PRAMEF2: variants seen among roughly 807,000 people sequenced by gnomAD.
The protein encoded by PRAMEF2 is PRAME family member 2.
Under a neutral mutation model 38.0 loss-of-function variants are expected in PRAMEF2, and 35 were observed. The ratio of observed to expected loss-of-function variants is 0.92; its 90% confidence interval spans 0.70 to 1.22. The LOEUF (loss-of-function observed/expected upper bound fraction) is 1.22. Ranked by LOEUF, PRAMEF2 falls within the 50% of genes most tolerant of loss-of-function variation. The pLI is 0.00. For missense variants in PRAMEF2, 562 were observed against 553.9 expected (o/e 1.01, Z -0.15); for synonymous variants, 240 against 232.4 (o/e 1.03, Z -0.30).
At position 12,861,434 on chromosome 1, in the gene PRAMEF2, G is replaced by T. The variant is rs1640549967; in HGVS notation, c.1080G>T (p.Gln360His). 6.2e-7 allele frequency: 1 copy of T among 1,602,858 alleles called. No homozygotes were observed. The highest frequency in any genetic ancestry group is 1.3e-5 in the African/African-American group (1 of 74,118). Residue 360 changes from glutamine to histidine, a missense_variant, in exon 4 of 4, where the codon CAG becomes CAT. Transcript: ENST00000240189. ...SLETLVLEGC[Q>H]IHYSQLSAIL... ...AGACCCTCGTGTTAGAGGGCTGTCAGATCCACTACTCCCAACTCAGTGCCA... is the reference window on the plus strand; with the variant it reads ...AGACCCTCGTGTTAGAGGGCTGTCATATCCACTACTCCCAACTCAGTGCCA...
At chr1:12,857,210 G>A (rs1023096088) in intron 1 of PRAMEF2, 63 bp downstream of exon 1, 1 of 148,014 alleles carries the variant, frequency 6.8e-6, no homozygotes, top group Non-Finnish European at 1.5e-5. Flanking sequence ...CAGGGACGGT[G>A]ACACACATCC....
chr1:12,857,638 T>C lies in PRAMEF2; in HGVS notation c.-26+491T>C, dbSNP rs1640470178. 1.4e-5 allele frequency among the ~76,000 whole-genome samples: 2 copies of C among 141,910 alleles called. 1 individual carries two copies. The highest frequency in any genetic ancestry group is 5.5e-5 in the African/African-American group (2 of 36,354). 93.1% of individuals were successfully genotyped at this position (141,910 alleles called of 152,430 possible). A position where few individuals can be genotyped will look rare whatever the true frequency, so the allele number is the denominator to read the frequency against. The stretch of plus-strand genomic sequence containing the variant: ...TGTGAGTATGTGGAAGTGATGTCTA[T>C]AGGAACCTTCATCTTAGAGTTACAG... On this transcript the variant is annotated intron_variant, in intron 1 of 3. Transcript: ENST00000240189.
chr1:12,860,113 A>G lies in PRAMEF2; in HGVS notation c.708A>G (p.Lys236=), dbSNP rs749698187. The stretch of plus-strand genomic sequence containing the variant: ...TGAAGGAGATGAAGACTCTTTGCAA[A>G]CTCGTTTTCTCCAGGTGCCATCATT... ...CYLKEMKTLC[K]LVFSRCHHYT... is the part of the protein sequence containing the mutation. The change falls in exon 3 of 4, where the codon AAA becomes AAG. Residue 236 remains lysine (K), a synonymous_variant. Transcript: ENST00000240189. 1 of 1,606,288 alleles carries G rather than the reference A, an allele frequency of 6.2e-7. No individual in the cohort carries two copies. The highest frequency in any genetic ancestry group is 1.3e-5 in the African/African-American group (1 of 74,170).
In PRAMEF2 at chr1:12,859,850, G is replaced by A. The variant is rs1210053705; in HGVS notation, c.445G>A (p.Val149Met). Reference sequence around the variant, plus strand: ...GACGGGAGAGCACCAGCCCTTAAAGGTGTTCATAGACATCTGCCTCAAGGA... The same window carrying A: ...GACGGGAGAGCACCAGCCCTTAAAGATGTTCATAGACATCTGCCTCAAGGA... The part of the protein sequence containing the change: ...PRTGEHQPLK[V>M]FIDICLKEIP... The change falls in exon 3 of 4, where the codon GTG (valine) becomes ATG (methionine). Residue 149 changes from valine to methionine, a missense_variant. Val to Met is a conservative substitution (Grantham distance 21, BLOSUM62 1). Coordinates refer to ENST00000240189, the MANE Select transcript of PRAMEF2 (RefSeq NM_023014.1). The A allele has an allele frequency of 4.4e-6, 7 of 1,606,912 alleles. 1 individual carries two copies. In the Middle Eastern group the frequency reaches 6.0e-4, roughly 138 times the overall value.
In PRAMEF2 at chr1:12,860,152, T is replaced by C. The variant is rs148434103; in HGVS notation, c.747T>C (p.Asn249=). The change falls in exon 3 of 4, where the codon AAT becomes AAC. Residue 249 remains asparagine (N), a synonymous_variant. Transcript: ENST00000240189. Reference sequence around the variant, plus strand: ...GGTGCCATCATTACACGTCAGATAATGAACTCGAGGGATGGTTAGTCACCA... The same window carrying C: ...GGTGCCATCATTACACGTCAGATAACGAACTCGAGGGATGGTTAGTCACCA... ...FSRCHHYTSD[N]ELEGWLVTRF... 7.5e-5 allele frequency: 120 copies of C among 1,606,906 alleles called. 5 individuals carry two copies. The African/African-American group carries it at 1.3e-3, about 17-fold the overall frequency.
At chr1:12,860,720 C>A (rs114025872) in intron 3 of PRAMEF2, among the ~76,000 whole-genome samples, 1,747 of 150,240 alleles carry the variant, frequency 0.012, 93 homozygotes, top group African/African-American at 0.04. Context: ...TCCCTGTCTG[C>A]AAAACGTTGT....
Position 12,860,052 on chromosome 1 carries a change from G to T in PRAMEF2, c.647G>T (p.Cys216Phe), listed in dbSNP as rs3204802. 1.2e-6 allele frequency: 2 copies of T among 1,606,582 alleles called. No individual in the cohort carries two copies. The highest frequency in any genetic ancestry group is 8.5e-7 in the Non-Finnish European group (1 of 1,176,416). The change falls in exon 3 of 4, where the codon TGC (cysteine) becomes TTC (phenylalanine). Residue 216 changes from cysteine (C) to phenylalanine (F), a missense_variant. Around this residue, in one of 2 missense-constraint regions of PRAMEF2, gnomAD observed 486 missense variants for 444.2 expected, o/e 1.09. Transcript: ENST00000240189. ...SIGELEIHNT[C>F]WPHLIRKLYC... ...GGGGAGCTGGAAATTCACAACACGT[G>T]CTGGCCACATCTGATAAGAAAGCTT...
chr1:12,859,513 G>A (rs1640504954), intron 2 of PRAMEF2, among the ~76,000 whole-genome samples, 180 bp from the exon 3 acceptor site: 1 of 151,166 alleles, frequency 6.6e-6, no homozygotes, highest in African/African-American at 2.4e-5. Context: ...TTACTCAGTG[G>A]AAGGTAAAGG....
At position 12,861,695 on chromosome 1, in the gene PRAMEF2, CA is replaced by C. The variant is rs1557630054; in HGVS notation, c.1343del (p.Lys448ArgfsTer48). 6.4e-7 allele frequency: 1 copy of C among 1,570,580 alleles called. No homozygotes were observed. The highest frequency in any genetic ancestry group is 1.4e-5 in the African/African-American group (1 of 71,034). ...GTACACTGAGGGAATTCAGGCAGCC[CA>C]AGAGGATCTTCATTGGCCCCACCCC... The part of the protein sequence containing the change: ...MCTLREFRQP[K>X]RIFIGPTPCP... On this transcript the variant is annotated frameshift_variant, in exon 4 of 4. Transcript: ENST00000240189. LOFTEE classifies it high-confidence loss of function.
chr1:12,859,017 T>C lies in PRAMEF2; in HGVS notation c.8T>C (p.Ile3Thr), dbSNP rs1389819618. The change falls in exon 2 of 4, where the codon ATC becomes ACC. Residue 3 changes from isoleucine to threonine, a missense_variant. By Grantham distance (89) the Ile-to-Thr change is moderately conservative. Transcript: ENST00000240189. ...TCTTGCAGATCCATCAGGATGAGCA[T>C]CCAGGCCCCACCGAGACTACTGGAG... MSIQAPPRLLELA... is the reference protein window; with the variant it reads MSTQAPPRLLELA... 4.4e-6 allele frequency: 7 copies of C among 1,603,222 alleles called. 1 individual carries two copies. The highest frequency in any genetic ancestry group is 6.0e-6 in the Non-Finnish European group (7 of 1,176,170).
Position 12,861,508 on chromosome 1 carries a change from G to T in PRAMEF2, c.1154G>T (p.Gly385Val). The T allele has an allele frequency of 6.2e-7, 1 of 1,605,556 alleles. No homozygotes were observed. Among genetic ancestry groups the T allele is most frequent in the Non-Finnish European group, 8.5e-7 (1 of 1,176,992 alleles). ...TCCCAGCTCACCACCTTCTACTTTG[G>T]CAGCAATTGCATGTCTATTGACGCC... ...CCSQLTTFYF[G>V]SNCMSIDALK... The change falls in exon 4 of 4, where the codon GGC becomes GTC. Residue 385 changes from glycine to valine, a missense_variant. Gly to Val is a moderately radical substitution (Grantham distance 109). Transcript: ENST00000240189.
rs12139550 is a variant in PRAMEF2 at position 12,861,277 on chromosome 1, A to G, written c.923A>G (p.Glu308Gly). 0.11 allele frequency: 181,643 copies of G among 1,604,634 alleles called. 14,662 individuals carry two copies. Among genetic ancestry groups the G allele is most frequent in the African/African-American group, 0.14 (10,079 of 74,328 alleles). ...LELTCGNLLE[E>G]DLKCLSQFPS... ...TTAACTTGTGGCAACCTATTAGAAG[A>G]GGACTTGAAGTGTCTCTCCCAGTTC... The change falls in exon 4 of 4, where the codon GAG becomes GGG. Residue 308 changes from glutamate (E) to glycine (G), a missense_variant. Transcript: ENST00000240189.
Position 12,861,355 on chromosome 1 carries a change from G to A in PRAMEF2, c.1001G>A (p.Arg334His), listed in dbSNP as rs141943881. The A allele has an allele frequency of 1.2e-3, 1,866 of 1,606,646 alleles. 97 individuals are homozygous for A. Among genetic ancestry groups the A allele is most frequent in the Non-Finnish European group, 1.5e-3 (1,716 of 1,176,564 alleles). ...HLNLSYVLLF[R>H]ISLEPLGALL... ...AATCTCAGCTACGTGCTGCTGTTCC[G>A]CATCAGTCTTGAACCCCTAGGAGCT... Residue 334 changes from arginine to histidine, a missense_variant, in exon 4 of 4, where the codon CGC (arginine) becomes CAC (histidine). Physicochemically the swap from Arg to His is conservative, Grantham distance 29. Transcript: ENST00000240189.
At chr1:12,858,164 G>A (rs1401543360) in intron 1 of PRAMEF2, among the ~76,000 whole-genome samples, 1 of 149,830 alleles carries the variant, frequency 6.7e-6, no homozygotes, top group East Asian at 1.9e-4. Context: ...TCTGCCTCTG[G>A]GCTTCAAGTG....
chr1:12,859,398 G>C, intron 2 of PRAMEF2, 102 bp downstream of exon 2: 2 of 1,582,024 alleles, frequency 1.3e-6, no homozygotes, highest in Non-Finnish European at 1.7e-6. Context: ...AGAGTCTTCT[G>C]ATGGTGTTGG....
chr1:12,859,250 T>C lies in PRAMEF2; in HGVS notation c.241T>C (p.Leu81=), dbSNP rs150846314. 2.0e-5 allele frequency: 32 copies of C among 1,610,294 alleles called. No homozygotes were observed. In the African/African-American group the frequency reaches 3.9e-4, roughly 20 times the overall value. The change falls in exon 2 of 4, where the codon TTG becomes CTG. Residue 81 remains leucine (L), a synonymous_variant. Transcript: ENST00000240189. ...GCTTCATCTGGAGCCATTGAAAGCA[T>C]TGCTGGAAGGGCTTCATATGCTGCT... ...KTLHLEPLKA[L]LEGLHMLLTQ...
chr1:12,860,501 A>G (rs1015651853), intron 3 of PRAMEF2, among the ~76,000 whole-genome samples: 2 of 147,930 alleles, frequency 1.4e-5, no homozygotes, highest in African/African-American at 2.5e-5. Flanking sequence ...AGAGAGGGAC[A>G]TCATGTACAA....
At chr1:12,858,779 A>T (rs1004676984) in intron 1 of PRAMEF2, among the ~76,000 whole-genome samples, 1 of 147,030 alleles carries the variant, frequency 6.8e-6, no homozygotes, top group Non-Finnish European at 1.5e-5. Flanking sequence ...GGTCTCTTTG[A>T]CCCCTCCCTC....
chr1:12,859,074 C>G lies in PRAMEF2; in HGVS notation c.65C>G (p.Ala22Gly), dbSNP rs761514383. 1 of 1,604,636 alleles carries G rather than the reference C, an allele frequency of 6.2e-7. No individual in the cohort carries two copies. Among genetic ancestry groups the G allele is most frequent in the Non-Finnish European group, 8.5e-7 (1 of 1,176,476 alleles). ...GGGCAGAGCCTGCTGAGAGACCAGG[C>G]CTTGTCCATCTCTGCCATGGAGGAG... ...LAGQSLLRDQ[A>G]LSISAMEELP... The change falls in exon 2 of 4, where the codon GCC becomes GGC. Residue 22 changes from alanine to glycine, a missense_variant. By Grantham distance (60) the Ala-to-Gly change is moderately conservative (BLOSUM62 0). Coordinates refer to ENST00000240189, the MANE Select transcript of PRAMEF2 (RefSeq NM_023014.1).
Sources: gnomAD v4.1 joint callset for allele counts (sites outside exome capture counted in the v4.1 genomes callset) on GRCh38, gnomAD v4.1.1 for gene constraint, gnomAD v4.1.1 regional missense constraint, MANE v1.5 for transcripts, NCBI Gene and HGNC (gene_info 2026-07-23, HGNC 2026-07-21) for gene names.